The following UNC45A variants were observed in gnomAD, a reference collection of about 807,000 sequenced individuals.
UNC45A encodes the protein unc-45 myosin chaperone A.
UNC45A carries 78 observed loss-of-function variants against 103.2 expected under a neutral mutation model. The observed-to-expected ratio is 0.76, with a 90% CI of 0.63 to 0.91. The LOEUF (loss-of-function observed/expected upper bound fraction) is 0.91. UNC45A is among the 40% of genes least tolerant of loss of function. The probability of loss-of-function intolerance (pLI) is 0.00; values close to 1 mark genes in which losing one functional copy is unlikely to be tolerated. For synonymous variants in UNC45A, 495 were observed against 504.6 expected, an observed-to-expected ratio of 0.98 and a Z score of 0.25; for missense variants, 1,193 against 1,224.8, an observed-to-expected ratio of 0.97 and a Z score of 0.39.
chr15:90,948,461 A>G (rs2036696239), intron 12 of UNC45A, 178 bp downstream of exon 12: 1 of 1,268,350 alleles, frequency 7.9e-7, no homozygotes, highest in African/African-American at 1.5e-5. Flanking sequence ...GTTAGCAAGG[A>G]CGTTCTTCTT....
rs563171966 is a variant in UNC45A, at chr15:90,947,271, C to T, written c.1500+357C>T. 4.7e-5 allele frequency: 14 copies of T among 299,220 alleles called. No individual in the cohort carries two copies. The South Asian group carries it at 5.3e-4, about 11-fold the overall frequency. 18.5% of individuals were successfully genotyped at this position (299,220 alleles called of 1,614,324 possible). On this transcript the variant is annotated intron_variant, in intron 10 of 19. Coordinates refer to ENST00000418476, the MANE Select transcript of UNC45A (RefSeq NM_018671.5). ...GCTCCTCCCTCCATGGGGCTTAAGA[C>T]TGGGCCTGCAGGGGTCATGCAGTGT...
Position 90,953,865 on chromosome 15 carries a change from A to G in UNC45A, c.*149A>G. The G allele has an allele frequency of 1.7e-6, 2 of 1,187,370 alleles. No individual in the cohort carries two copies. The highest frequency in any genetic ancestry group is 2.3e-6 in the Non-Finnish European group (2 of 857,220). 73.6% of individuals were successfully genotyped at this position (1,187,370 alleles called of 1,614,324 possible). A position where few individuals can be genotyped will look rare whatever the true frequency, so the allele number is the denominator to read the frequency against. On this transcript the variant is annotated 3_prime_UTR_variant, in exon 20 of 20. Transcript: ENST00000418476. ...CTGCCCTAGGATGTCCTCTGTTCTG[A>G]GTCAGCGGCCACGTTCAGTCACACA...
chr15:90,934,829 T>C (rs1429914782), upstream of UNC45A: 8 of 412,982 alleles, frequency 1.9e-5, no homozygotes, highest in Admixed American at 1.2e-4. Flanking sequence ...CGACACTTAT[T>C]TGGGGAGGGA....
rs1237228439 is a variant in UNC45A at position 90,936,273 on chromosome 15, G to A, written c.251-12G>A. On this transcript the variant is annotated splice_polypyrimidine_tract_variant and intron_variant, in intron 3 of 19. Transcript: ENST00000418476. ...CCTCATGGGTGCTGACAGCGCTCCTGTTTGTGCTCAGCCATTGAAAAGGAT... is the reference window on the plus strand; with the variant it reads ...CCTCATGGGTGCTGACAGCGCTCCTATTTGTGCTCAGCCATTGAAAAGGAT... 5.0e-6 allele frequency: 8 copies of A among 1,608,800 alleles called. No individual in the cohort carries two copies. Among genetic ancestry groups the A allele is most frequent in the Non-Finnish European group, 6.8e-6 (8 of 1,177,366 alleles).
chr15:90,943,005 C>T lies in UNC45A; in HGVS notation c.950C>T (p.Thr317Ile). ...VSGQGRDNAL[T>I]LLIKAVPRKS... is the part of the protein sequence containing the mutation. ...GGCCAAGGCCGAGACAATGCCCTGACCCTCCTGATTAAAGCGGTGCCCCGG... is the reference window on the plus strand; with the variant it reads ...GGCCAAGGCCGAGACAATGCCCTGATCCTCCTGATTAAAGCGGTGCCCCGG... The change falls in exon 8 of 20, where the codon ACC becomes ATC. Residue 317 changes from threonine to isoleucine, a missense_variant. By Grantham distance (89) the Thr-to-Ile change is moderately conservative (BLOSUM62 -1). Coordinates refer to ENST00000418476, the MANE Select transcript of UNC45A (RefSeq NM_018671.5). 1 of 1,614,222 alleles carries T rather than the reference C, an allele frequency of 6.2e-7. No homozygotes were observed. Among genetic ancestry groups the T allele is most frequent in the Non-Finnish European group, 8.5e-7 (1 of 1,180,034 alleles).
At chr15:90,940,636 G>A (rs911265406) in intron 6 of UNC45A, 163 bp downstream of exon 6, 11 of 864,316 alleles carry the variant, frequency 1.3e-5, no homozygotes, top group African/African-American at 1.7e-5. Flanking sequence ...ACTTAGGTAG[G>A]TTATGGTGCC....
At position 90,943,039 on chromosome 15, in the gene UNC45A, C is replaced by G. The variant is rs147464292; in HGVS notation, c.984C>G (p.Leu328=). Residue 328 remains leucine (L), a synonymous_variant, in exon 8 of 20, where the codon CTC becomes CTG. Coordinates refer to ENST00000418476, the MANE Select transcript of UNC45A (RefSeq NM_018671.5). ...TTAAAGCGGTGCCCCGGAAGTCTCT[C>G]AAGGACCCCAACAACAGCCTCACCC... is the stretch of plus-strand genomic sequence containing the variant. ...LLIKAVPRKS[L]KDPNNSLTLW... is the part of the protein sequence containing the mutation. 236 of 1,614,108 alleles carry G rather than the reference C, an allele frequency of 1.5e-4. No individual in the cohort carries two copies. In the African/African-American group the frequency reaches 2.2e-3, roughly 15 times the overall value.
At chr15:90,935,262 C>T (rs1473134490), upstream of UNC45A, 1 of 1,514,144 alleles carries the variant, frequency 6.6e-7, no homozygotes, top group Non-Finnish European at 9.0e-7. Context: ...GGTGGCGTCC[C>T]GAACCCAGAC....
upstream of UNC45A, chr15:90,932,622 G>T: frequency 1.2e-6 from 1 of 841,244 alleles, no homozygotes; most frequent in Non-Finnish European, 1.6e-6. Context: ...GGAGGCCCGG[G>T]GATCGTGGAG....
At position 90,953,771 on chromosome 15, in the gene UNC45A, G is replaced by C; in HGVS notation, c.*55G>C. 6.3e-7 allele frequency: 1 copy of C among 1,578,150 alleles called. No homozygotes were observed. Among genetic ancestry groups the C allele is most frequent in the Non-Finnish European group, 8.6e-7 (1 of 1,159,508 alleles). On this transcript the variant is annotated 3_prime_UTR_variant, in exon 20 of 20. Transcript: ENST00000418476. The stretch of plus-strand genomic sequence containing the variant: ...CACACGCTACCTATTGTGGCACGGA[G>C]AGTAAGGACGGAAGCAGCTTTGGCT...
chr15:90,935,384 C>A lies in UNC45A; in HGVS notation c.51+9C>A. The A allele has an allele frequency of 6.3e-7, 1 of 1,589,866 alleles. No homozygotes were observed. Among genetic ancestry groups the A allele is most frequent in the Non-Finnish European group, 8.6e-7 (1 of 1,168,036 alleles). On this transcript the variant is annotated intron_variant, in intron 1 of 19. Transcript: ENST00000418476. The stretch of plus-strand genomic sequence containing the variant: ...GGCCGGCCACCCCCGGGGTGCGTAC[C>A]CAACCCCCGCGCCATCACCCCTTCG...
At chr15:90,933,932 C>T (rs1408720277), upstream of UNC45A, 1 of 397,204 alleles carries the variant, frequency 2.5e-6, no homozygotes, top group Non-Finnish European at 4.4e-6. Flanking sequence ...TTAATGGTGC[C>T]CAAGGGCCTT....
At chr15:90,952,886 C>T in intron 17 of UNC45A, 43 bp from the exon 18 acceptor site, 3 of 1,574,084 alleles carry the variant, frequency 1.9e-6, no homozygotes, top group Non-Finnish European at 2.6e-6. Context: ...GAAGGGAAAA[C>T]ATCCAAACCG....
upstream of UNC45A, chr15:90,932,025 AG>A: frequency 6.2e-7 from 1 of 1,613,920 alleles, no homozygotes. Context: ...TCCCCATCCC[AG>A]GCTCCTGGCA....
intron 11 of UNC45A, 101 bp from the exon 12 acceptor site, chr15:90,948,041 A>G: frequency 2.6e-6 from 4 of 1,559,212 alleles, no homozygotes; most frequent in Non-Finnish European, 3.5e-6. Context: ...GCTTCTGTAC[A>G]TTGAGGGGAT....
At chr15:90,946,942 G>GGGGGGGGGGGGGGGGGC in intron 10 of UNC45A, 28 bp downstream of exon 10, 4 of 817,432 alleles carry the variant, frequency 4.9e-6, no homozygotes, top group Non-Finnish European at 4.0e-6. Flanking sequence ...GGGTGGGTGG[G>GGGGGGGGGGGGGGGGGC]CAGGCAGCCA....
chr15:90,932,542 G>C, upstream of UNC45A: 1 of 1,257,680 alleles, frequency 8.0e-7, no homozygotes, highest in Non-Finnish European at 1.0e-6. Context: ...AGAGCCCATC[G>C]CGCGGATGGG....
At chr15:90,940,124 G>A (rs1198673593) in intron 5 of UNC45A, among the ~76,000 whole-genome samples, 182 bp from the exon 6 acceptor site, 1 of 152,174 alleles carries the variant, frequency 6.6e-6, no homozygotes, top group Non-Finnish European at 1.5e-5. Flanking sequence ...CATCAATCCC[G>A]AGAGAAGGCT....
upstream of UNC45A, chr15:90,932,667 A>G: frequency 2.0e-6 from 1 of 506,874 alleles, no homozygotes; most frequent in East Asian, 3.5e-5. Context: ...CCTGCCCCAG[A>G]TGAATTCCTC....
Sources: allele counts gnomAD v4.1 joint callset (sites outside exome capture counted in the v4.1 genomes callset), GRCh38; gene constraint gnomAD v4.1.1; transcripts MANE v1.5; gene names NCBI Gene and HGNC (gene_info 2026-07-23, HGNC 2026-07-21).